NREP: variants seen among roughly 807,000 people sequenced by gnomAD.
The protein encoded by NREP is neuronal regeneration related protein, also known as neuronal regeneration-related protein.
In NREP, 5 loss-of-function variants were observed where a neutral mutation model predicts 8.6. The ratio of observed to expected loss-of-function variants is 0.58; its 90% CI spans 0.30 to 1.22. NREP has a LOEUF of 1.22. Among genes scored for constraint, NREP ranks in the 50% most tolerant of loss-of-function variants. NREP has a pLI of 0.07. For missense variants in NREP, 86 were observed against 82.5 expected, an observed-to-expected ratio of 1.04 and a Z score of -0.17; for synonymous variants, 27 against 28.0, an observed-to-expected ratio of 0.96 and a Z score of 0.11.
chr5:111,831,099 C>T (rs1031858732), intron 2 of NREP, among the ~76,000 whole-genome samples: 5 of 152,182 alleles, frequency 3.3e-5, no homozygotes, highest in African/African-American at 9.7e-5. Flanking sequence ...AGCTACAAGT[C>T]TGTGTAACTG....
intron 2 of NREP, among the ~76,000 whole-genome samples, chr5:111,928,553 T>C (rs1755452314): frequency 6.6e-6 from 1 of 152,086 alleles, no homozygotes; most frequent in Non-Finnish European, 1.5e-5. Flanking sequence ...CAGCCATGAG[T>C]TTGAGGCCTG....
chr5:111,823,745 T>C (rs778490120), intron 2 of NREP, among the ~76,000 whole-genome samples: 7 of 152,202 alleles, frequency 4.6e-5, no homozygotes, highest in Non-Finnish European at 7.4e-5. Flanking sequence ...TTGTTTTACA[T>C]ATCCTGGCAG....
chr5:111,976,457 C>A (rs529007913), intron 1 of NREP, among the ~76,000 whole-genome samples: 1 of 152,234 alleles, frequency 6.6e-6, no homozygotes, highest in Admixed American at 6.5e-5. Flanking sequence ...GGAACCTCCT[C>A]TGACTCATGT....
In NREP at chr5:111,730,945, T is replaced by C. The variant is rs1225148001; in HGVS notation, c.183A>G (p.Arg61=). Residue 61 remains arginine (R), a synonymous_variant, in exon 4 of 4, where the codon AGA becomes AGG. Transcript: ENST00000257435. The stretch of plus-strand genomic sequence containing the variant: ...ATTAAAAAAAGTGGAGGTAACTGAT[T>C]CTTGGGGAGCGGAGTTCACTGCTGC... ...PLGSSELRSP[R]ISYLHFF 1.9e-6 allele frequency: 3 copies of C among 1,613,762 alleles called. No homozygotes were observed. The highest frequency in any genetic ancestry group is 2.7e-5 in the African/African-American group (2 of 74,896).
chr5:111,874,503 G>C (rs558703294), intron 2 of NREP, among the ~76,000 whole-genome samples: 1 of 152,122 alleles, frequency 6.6e-6, no homozygotes, highest in African/African-American at 2.4e-5. Context: ...GGGTAACCCT[G>C]TCTATGAAAA....
At chr5:111,926,510 T>G (rs1048522204) in intron 2 of NREP, among the ~76,000 whole-genome samples, 23 of 152,088 alleles carry the variant, frequency 1.5e-4, no homozygotes, top group African/African-American at 5.6e-4. Context: ...AGAAAAGATC[T>G]AATTGTTGGA....
intron 2 of NREP, among the ~76,000 whole-genome samples, chr5:111,845,497 T>A (rs373614206): frequency 2.2e-4 from 34 of 152,282 alleles, no homozygotes; most frequent in African/African-American, 7.9e-4. Flanking sequence ...ATGTTGAGAA[T>A]TCACACACAG....
chr5:111,774,559 A>G (rs1176951759), intron 2 of NREP, among the ~76,000 whole-genome samples: 12 of 152,170 alleles, frequency 7.9e-5, no homozygotes, highest in Non-Finnish European at 1.8e-4. Context: ...GCAGCGTTTC[A>G]AAGTGTGTAA....
chr5:111,976,347 T>C (rs1230991651), intron 1 of NREP, among the ~76,000 whole-genome samples: 2 of 152,208 alleles, frequency 1.3e-5, no homozygotes, highest in Non-Finnish European at 2.9e-5. Flanking sequence ...ATTTTGATGT[T>C]TGTTTCCTGG....
chr5:111,855,547 T>C (rs763435623), intron 2 of NREP, among the ~76,000 whole-genome samples: 25 of 152,194 alleles, frequency 1.6e-4, no homozygotes, highest in South Asian at 4.1e-4. Context: ...CACACTTCTT[T>C]ATCTTTCTGT....
At chr5:111,844,678 T>TAA (rs1753115459) in intron 2 of NREP, among the ~76,000 whole-genome samples, 4 of 146,952 alleles carry the variant, frequency 2.7e-5, no homozygotes, top group South Asian at 2.1e-4. Context: ...TATATATATA[T>TAA]TATATATATA....
chr5:111,840,996 C>A (rs1753017057), intron 2 of NREP, among the ~76,000 whole-genome samples: 1 of 151,984 alleles, frequency 6.6e-6, no homozygotes, highest in African/African-American at 2.4e-5. Flanking sequence ...TTGTGTAGAT[C>A]TGTGTGCTTA....
At chr5:111,754,960 G>C (rs149966683) in intron 2 of NREP, among the ~76,000 whole-genome samples, 1 of 152,164 alleles carries the variant, frequency 6.6e-6, no homozygotes, top group Non-Finnish European at 1.5e-5. Flanking sequence ...GTTTTAAAGA[G>C]TATAAACATC....
intron 2 of NREP, among the ~76,000 whole-genome samples, chr5:111,886,813 G>C (rs555178017): frequency 1.3e-5 from 2 of 151,466 alleles, no homozygotes; most frequent in African/African-American, 2.4e-5. Context: ...CACACTCTGG[G>C]GACTGTTGTG....
intron 2 of NREP, among the ~76,000 whole-genome samples, chr5:111,907,380 C>G (rs1024420735): frequency 1.3e-5 from 2 of 152,046 alleles, no homozygotes; most frequent in Non-Finnish European, 2.9e-5. Flanking sequence ...AGGACAATGT[C>G]TAGATTTATA....
intron 2 of NREP, among the ~76,000 whole-genome samples, chr5:111,894,505 T>A (rs950099598): frequency 1.3e-5 from 2 of 152,122 alleles, no homozygotes; most frequent in Non-Finnish European, 2.9e-5. Flanking sequence ...ATGGTGGGAT[T>A]TGGAGACTCC....
intron 2 of NREP, among the ~76,000 whole-genome samples, chr5:111,878,230 A>T (rs1189196987): frequency 6.6e-6 from 1 of 152,224 alleles, no homozygotes; most frequent in African/African-American, 2.4e-5. Flanking sequence ...GTACTAGTTC[A>T]TTCTCTCATT....
At position 111,820,053 on chromosome 5, in the gene NREP, G is replaced by T. The variant is rs140387485; in HGVS notation, c.136-84546C>A. 2.5e-3 allele frequency among the ~76,000 whole-genome samples: 381 copies of T among 152,112 alleles called. 3 individuals are homozygous for T. Among genetic ancestry groups the T allele is most frequent in the African/African-American group, 8.8e-3 (365 of 41,496 alleles). On this transcript the variant is annotated intron_variant, in intron 2 of 3. Transcript: ENST00000395634. ...TCCTCTCAACTAGATCTCCACCTAGGCCCCTATTCCTTGCCTGGTCTCCAT... is the reference window on the plus strand; with the variant it reads ...TCCTCTCAACTAGATCTCCACCTAGTCCCCTATTCCTTGCCTGGTCTCCAT...
At chr5:111,781,104 C>G (rs1171635911) in intron 2 of NREP, among the ~76,000 whole-genome samples, 1 of 152,052 alleles carries the variant, frequency 6.6e-6, no homozygotes, top group East Asian at 1.9e-4. Context: ...AGGTATTAAG[C>G]CTAGTACTCA....
Sources: allele counts gnomAD v4.1 joint callset (sites outside exome capture counted in the v4.1 genomes callset), GRCh38; gene constraint gnomAD v4.1.1; transcripts MANE v1.5; gene names NCBI Gene and HGNC (gene_info 2026-07-23, HGNC 2026-07-21).